AFF1: variants seen among roughly 807,000 people sequenced by gnomAD.
The protein encoded by AFF1 is AF4/FMR2 family member 1.
In AFF1, 48 loss-of-function variants were observed where a neutral mutation model predicts 121.7. The ratio of observed to expected loss-of-function variants is 0.39; its 90% CI spans 0.31 to 0.50. AFF1 has a LOEUF of 0.50. AFF1 is among the 20% of genes least tolerant of loss of function. The pLI is 0.76. For missense variants in AFF1, 1,523 were observed against 1,511.7 expected (o/e 1.01, Z -0.12); for synonymous variants, 613 against 563.0 (o/e 1.09, Z -1.26).
intron 2 of AFF1, among the ~76,000 whole-genome samples, chr4:86,993,081 CAG>C (rs1724854244): frequency 6.6e-6 from 1 of 152,158 alleles, no homozygotes; most frequent in African/African-American, 2.4e-5. Flanking sequence ...AGGTAGGAAA[CAG>C]AGTCCACAGC....
chr4:87,050,094 A>G (rs937511205), intron 4 of AFF1, among the ~76,000 whole-genome samples: 1 of 152,166 alleles, frequency 6.6e-6, no homozygotes, highest in Admixed American at 6.5e-5. Context: ...AGGAAAGTGT[A>G]GAGATGTAGG....
chr4:87,118,230 A>G (rs983856488), intron 12 of AFF1, among the ~76,000 whole-genome samples: 3 of 152,250 alleles, frequency 2.0e-5, no homozygotes, highest in Non-Finnish European at 4.4e-5. Context: ...TTAAAAGTGT[A>G]TGAAGATGAT....
intron 2 of AFF1, among the ~76,000 whole-genome samples, chr4:86,981,941 TA>T (rs1723788795): frequency 6.6e-6 from 1 of 152,134 alleles, no homozygotes; most frequent in African/African-American, 2.4e-5. Flanking sequence ...CTCCCAGTAA[TA>T]AACCCATGTG....
chr4:87,005,555 C>G (rs1024416553), intron 2 of AFF1, among the ~76,000 whole-genome samples: 6 of 140,758 alleles, frequency 4.3e-5, no homozygotes, highest in Admixed American at 6.9e-5. Flanking sequence ...AGAATAACTA[C>G]AGTTTGTGAA....
chr4:87,062,479 C>G (rs1168760349), intron 4 of AFF1, among the ~76,000 whole-genome samples: 3 of 152,148 alleles, frequency 2.0e-5, no homozygotes, highest in African/African-American at 7.2e-5. Context: ...TTTGGAGAGA[C>G]ACATTCAGAC....
chr4:86,949,537 A>ATTTTTTTTTTTTTTT (rs754229542), intron 2 of AFF1: 1 of 244,120 alleles, frequency 4.1e-6, no homozygotes, highest in African/African-American at 3.5e-5. Context: ...TATTATTATT[A>ATTTTTTTTTTTTTTT]TTTTTTTTTT....
intron 1 of AFF1, among the ~76,000 whole-genome samples, chr4:86,937,337 C>T (rs751305709): frequency 1.3e-5 from 2 of 152,202 alleles, no homozygotes; most frequent in African/African-American, 2.4e-5. Context: ...ATTGCTTTCT[C>T]CTACATGCGT....
chr4:87,007,337 G>A, intron 2 of AFF1: 4 of 1,608,752 alleles, frequency 2.5e-6, no homozygotes, highest in Non-Finnish European at 3.4e-6. Context: ...TGGTGAGCGC[G>A]GCGCTGGCAG....
At chr4:87,000,605 C>CTCTG (rs1553915150) in intron 2 of AFF1, among the ~76,000 whole-genome samples, 1 of 146,372 alleles carries the variant, frequency 6.8e-6, no homozygotes, top group Non-Finnish European at 1.5e-5. Context: ...AAAATAAACT[C>CTCTG]TGTGTGTGTG....
intron 2 of AFF1, chr4:86,949,818 C>T (rs990135091): frequency 4.9e-5 from 79 of 1,613,876 alleles, no homozygotes; most frequent in African/African-American, 3.6e-4. Context: ...GTCATGATGG[C>T]GAAACCGATC....
intron 2 of AFF1, among the ~76,000 whole-genome samples, chr4:87,006,641 T>A (rs1024317366): frequency 6.6e-6 from 1 of 152,250 alleles, no homozygotes; most frequent in Non-Finnish European, 1.5e-5. Flanking sequence ...GCGGTCTTGT[T>A]CCTGCTCACT....
chr4:87,131,653 C>T (rs1464009557), intron 17 of AFF1, 140 bp from the exon 18 acceptor site: 23 of 719,582 alleles, frequency 3.2e-5, no homozygotes, highest in Non-Finnish European at 4.8e-5. Context: ...GCTCTAAAGC[C>T]TTGGGTTTTT....
chr4:87,069,558 CCTCTCCTCT>C (rs1282208779), intron 4 of AFF1, among the ~76,000 whole-genome samples: 44 of 147,658 alleles, frequency 3.0e-4, no homozygotes, highest in Admixed American at 2.1e-3. Context: ...CTCCCCTTTC[CCTCTCCTCT>C]CTCTCCTCTC....
chr4:86,958,091 C>CTT (rs36035943), intron 2 of AFF1, among the ~76,000 whole-genome samples: 15 of 107,106 alleles, frequency 1.4e-4, no homozygotes, highest in South Asian at 6.3e-4. Flanking sequence ...TTTTTTTTTC[C>CTT]TTTTTTTTTT....
At chr4:86,997,383 C>T (rs893032262) in intron 2 of AFF1, among the ~76,000 whole-genome samples, 6 of 152,194 alleles carry the variant, frequency 3.9e-5, no homozygotes, top group African/African-American at 1.4e-4. Context: ...GAATAAATTC[C>T]TTTTTAAAAT....
At chr4:86,938,842 T>A (rs751076319) in intron 1 of AFF1, among the ~76,000 whole-genome samples, 1 of 152,258 alleles carries the variant, frequency 6.6e-6, no homozygotes, top group Non-Finnish European at 1.5e-5. Context: ...GTTTCTGTTG[T>A]ATGCCTTAGG....
chr4:87,028,529 T>A (rs939925697), intron 2 of AFF1, among the ~76,000 whole-genome samples: 1 of 152,168 alleles, frequency 6.6e-6, no homozygotes, highest in Non-Finnish European at 1.5e-5. Flanking sequence ...TTCAATTTTT[T>A]AAAACCTGTT....
chr4:87,008,069 T>C (rs1448763884), intron 2 of AFF1, among the ~76,000 whole-genome samples: 1 of 152,196 alleles, frequency 6.6e-6, no homozygotes, highest in Non-Finnish European at 1.5e-5. Context: ...ACTGTTTTTG[T>C]AATGAGCGTT....
intron 19 of AFF1, among the ~76,000 whole-genome samples, chr4:87,132,690 CTTTG>C (rs572047063): frequency 4.9e-4 from 75 of 152,100 alleles, no homozygotes; most frequent in African/African-American, 6.7e-4. Context: ...TTGTTTGTTT[CTTTG>C]TTTGTTTGTT....
Sources: allele counts gnomAD v4.1 joint callset (sites outside exome capture counted in the v4.1 genomes callset), GRCh38; gene constraint gnomAD v4.1.1; transcripts MANE v1.5; gene names NCBI Gene and HGNC (gene_info 2026-07-23, HGNC 2026-07-21).